GALNT16: variants seen among roughly 807,000 people sequenced by gnomAD.
GALNT16 encodes UDP-GalNAc:polypeptide N-acetylgalactosaminyltransferase-like protein 1.
A neutral mutation model predicts 76.1 loss-of-function variants in GALNT16; 40 were observed. That is an observed-to-expected ratio of 0.53 (90% CI 0.41 to 0.68). The LOEUF (loss-of-function observed/expected upper bound fraction) is 0.68. Ranked by LOEUF, GALNT16 falls within the 30% of genes least tolerant of loss-of-function variation. The pLI is 0.00. For missense variants in GALNT16, 621 were observed against 731.9 expected (o/e 0.85, Z 1.75); for synonymous variants, 276 against 285.2 (o/e 0.97, Z 0.32).
the GALNT16 span, among the ~76,000 whole-genome samples, chr14:69,384,435 G>C: frequency 6.6e-6 from 1 of 152,312 alleles, no homozygotes; most frequent in South Asian, 2.1e-4. Flanking sequence ...TTCAAACCCA[G>C]CTATGTCTAA....
chr14:69,339,394 C>T (rs1324991440), intron 10 of GALNT16, 133 bp from the exon 11 acceptor site: 1 of 703,936 alleles, frequency 1.4e-6, no homozygotes, highest in Non-Finnish European at 2.6e-6. Context: ...CCGTGCTAAT[C>T]TATACCATCC....
intron 1 of GALNT16, among the ~76,000 whole-genome samples, chr14:69,264,710 A>G (rs947302884): frequency 6.6e-6 from 1 of 152,136 alleles, no homozygotes; most frequent in African/African-American, 2.4e-5. Context: ...CACTTGAGAA[A>G]GAGAGTGAGG....
At chr14:69,306,903 C>T (rs1435427970) in intron 1 of GALNT16, among the ~76,000 whole-genome samples, 3 of 152,180 alleles carry the variant, frequency 2.0e-5, no homozygotes, top group African/African-American at 4.8e-5. Flanking sequence ...CAATTTAATG[C>T]AGTATTCAAA....
At chr14:69,337,123 A>G (rs555065942) in intron 9 of GALNT16, among the ~76,000 whole-genome samples, 1 of 152,308 alleles carries the variant, frequency 6.6e-6, no homozygotes, top group Non-Finnish European at 1.5e-5. Context: ...CTAGAGTACA[A>G]GGGAATCTAG....
At chr14:69,303,956 T>A (rs925069207) in intron 1 of GALNT16, among the ~76,000 whole-genome samples, 5 of 152,208 alleles carry the variant, frequency 3.3e-5, no homozygotes, top group Admixed American at 3.3e-4. Flanking sequence ...TAACTGTGTC[T>A]AGTGAACATC....
chr14:69,372,314 T>G, the GALNT16 span, among the ~76,000 whole-genome samples: 9 of 152,106 alleles, frequency 5.9e-5, no homozygotes, highest in Admixed American at 5.9e-4. Context: ...CCGTGTTGGC[T>G]GCAAACACTG....
the GALNT16 span, among the ~76,000 whole-genome samples, chr14:69,377,716 T>A: frequency 8.2e-5 from 11 of 134,436 alleles, no homozygotes; most frequent in East Asian, 2.5e-3. Flanking sequence ...GAGGCTAAGG[T>A]GGATCACCTG....
chr14:69,332,980 C>G (rs555234852), intron 7 of GALNT16, 105 bp from the exon 8 acceptor site: 2 of 813,188 alleles, frequency 2.5e-6, no homozygotes, highest in Admixed American at 3.5e-5. Context: ...GCACGAAGAG[C>G]CCAGGGCTCT....
chr14:69,383,091 C>T, the GALNT16 span, among the ~76,000 whole-genome samples: 1 of 152,104 alleles, frequency 6.6e-6, no homozygotes, highest in South Asian at 2.1e-4. Flanking sequence ...CTTTATGTCT[C>T]TAAGCAAACA....
At chr14:69,276,596 G>A (rs1024000138) in intron 1 of GALNT16, among the ~76,000 whole-genome samples, 3 of 151,814 alleles carry the variant, frequency 2.0e-5, no homozygotes, top group Non-Finnish European at 4.4e-5. Context: ...CAGGAGAATC[G>A]CTTGTACCCA....
rs1257556510 is a variant in GALNT16, at chr14:69,353,009, G to A, written c.*841G>A. 6.6e-6 allele frequency among the ~76,000 whole-genome samples: 1 copy of A among 152,176 alleles called. No homozygotes were observed. Among genetic ancestry groups the A allele is most frequent in the Non-Finnish European group, 1.5e-5 (1 of 68,034 alleles). ...AGACTCCACTTCTATTTGGCCATGT[G>A]TCAGGCTGAGACCTCTCTCTCGGGC... On this transcript the variant is annotated 3_prime_UTR_variant, in exon 15 of 15. Transcript: ENST00000448469.
At chr14:69,334,252 G>A (rs2045390292) in intron 9 of GALNT16, among the ~76,000 whole-genome samples, 1 of 152,226 alleles carries the variant, frequency 6.6e-6, no homozygotes, top group Admixed American at 6.5e-5. Context: ...AAGTGTTCCA[G>A]TAGGGAGCTG....
In GALNT16 at chr14:69,322,981, T is replaced by TGTGTGCGC. The variant is rs1196943800; in HGVS notation, c.336-1710_336-1709insTGTGCGCG. Among the ~76,000 whole-genome samples, 37 of 28,348 alleles carry TGTGTGCGC rather than the reference T, an allele frequency of 1.3e-3. 2 individuals are homozygous for TGTGTGCGC. The highest frequency in any genetic ancestry group is 1.8e-3 in the Non-Finnish European group (30 of 17,114). The allele number at this position is 28,348 out of a possible 152,430, so 18.6% of individuals were successfully genotyped here. A position where few individuals can be genotyped will look rare whatever the true frequency, so the allele number is the denominator to read the frequency against. On this transcript the variant is annotated intron_variant, in intron 2 of 14. Coordinates refer to ENST00000448469, the MANE Select transcript of GALNT16 (RefSeq NM_001168368.2). ...GTGTGTGTGTGTGTGTGTGTGTGTG[T>TGTGTGCGC]GCGCGCGCACGCGCGCACGCATGCA...
chr14:69,342,474 A>AGGGAGGAAGGCAGGGAGGG (rs2045501560), intron 12 of GALNT16, among the ~76,000 whole-genome samples: 2 of 31,490 alleles, frequency 6.4e-5, no homozygotes, highest in African/African-American at 2.4e-4. Context: ...AGAAGGAAGG[A>AGGGAGGAAGGCAGGGAGGG]AGGGAGGGAG....
chr14:69,349,669 AC>A (rs1735891556), intron 14 of GALNT16: 1 of 151,082 alleles, frequency 6.6e-6, no homozygotes, highest in African/African-American at 2.4e-5. Context: ...CCCTCCCTTC[AC>A]TCAGTCTCCT....
intron 9 of GALNT16, among the ~76,000 whole-genome samples, chr14:69,335,127 G>A (rs999067911): frequency 6.6e-6 from 1 of 152,208 alleles, no homozygotes; most frequent in African/African-American, 2.4e-5. Context: ...TGTGTTGTGG[G>A]ACGTTGGCAA....
intron 11 of GALNT16, among the ~76,000 whole-genome samples, chr14:69,341,480 C>T (rs2045484541): frequency 6.6e-6 from 1 of 152,224 alleles, no homozygotes; most frequent in African/African-American, 2.4e-5. Context: ...ATGAGTGAGG[C>T]ATAGCCAGGA....
intron 10 of GALNT16, among the ~76,000 whole-genome samples, 173 bp from the exon 11 acceptor site, chr14:69,339,354 T>C (rs2045455133): frequency 6.6e-6 from 1 of 152,212 alleles, no homozygotes; most frequent in South Asian, 2.1e-4. Flanking sequence ...ACAAAGTCGA[T>C]GGGTATTGAC....
intron 1 of GALNT16, among the ~76,000 whole-genome samples, chr14:69,315,977 GAA>G (rs1355764087): frequency 3.3e-5 from 5 of 152,160 alleles, no homozygotes; most frequent in Non-Finnish European, 7.3e-5. Context: ...TCATTGTATA[GAA>G]AAGTCTCAGG....
Sources: gnomAD v4.1 joint callset for allele counts (sites outside exome capture counted in the v4.1 genomes callset) on GRCh38, gnomAD v4.1.1 for gene constraint, MANE v1.5 for transcripts, NCBI Gene and HGNC (gene_info 2026-07-23, HGNC 2026-07-21) for gene names.